WWP1: variants seen among roughly 807,000 people sequenced by gnomAD.
WWP1 encodes the protein WW domain containing E3 ubiquitin protein ligase 1, also known as NEDD4-like E3 ubiquitin-protein ligase WWP1.
A neutral mutation model predicts 130.6 loss-of-function variants in WWP1; 49 were observed. That is an observed-to-expected ratio of 0.38 (90% CI 0.30 to 0.48). The LOEUF is 0.48. Among genes scored for constraint, WWP1 ranks in the 20% least tolerant of loss-of-function variants. WWP1 has a pLI of 0.99. For missense variants in WWP1, 809 were observed against 1,100.6 expected, an observed-to-expected ratio of 0.74 and a Z score of 3.75; for synonymous variants, 332 against 367.8, an observed-to-expected ratio of 0.90 and a Z score of 1.11.
rs182376833 is a variant in WWP1 at position 86,383,697 on chromosome 8, C to T, written c.334+2068C>T. On this transcript the variant is annotated intron_variant, in intron 5 of 24. Transcript: ENST00000517970. Reference sequence around the variant, plus strand: ...CGGAGGTTGCAGTGAACTGAGATTGCGCCACTGCACTCCAAGCCTGGGCTA... The same window carrying T: ...CGGAGGTTGCAGTGAACTGAGATTGTGCCACTGCACTCCAAGCCTGGGCTA... Among the ~76,000 whole-genome samples the T allele has an allele frequency of 4.5e-3, 690 of 152,214 alleles. 6 individuals are homozygous for T. The highest frequency in any genetic ancestry group is 0.016 in the African/African-American group (651 of 41,516).
chr8:86,460,836 G>A (rs887234747), intron 22 of WWP1, among the ~76,000 whole-genome samples: 1 of 100,782 alleles, frequency 9.9e-6, no homozygotes, highest in Non-Finnish European at 1.9e-5. Flanking sequence ...TTGAGACAGA[G>A]TCTTGCTCTG....
chr8:86,400,091 G>A (rs904539591), intron 7 of WWP1, among the ~76,000 whole-genome samples: 2 of 152,112 alleles, frequency 1.3e-5, no homozygotes, highest in Non-Finnish European at 2.9e-5. Flanking sequence ...AGTACTTTGG[G>A]AGGCCGAAGC....
intron 1 of WWP1, among the ~76,000 whole-genome samples, chr8:86,347,129 T>C (rs1183261608): frequency 6.6e-6 from 1 of 151,868 alleles, no homozygotes; most frequent in Non-Finnish European, 1.5e-5. Flanking sequence ...GGACTACAGG[T>C]GTATGTCATG....
At chr8:86,387,599 G>A (rs1296483162) in intron 5 of WWP1, among the ~76,000 whole-genome samples, 1 of 151,968 alleles carries the variant, frequency 6.6e-6, no homozygotes, top group East Asian at 1.9e-4. Context: ...TGCAGCCTTT[G>A]CCTCCTAGGT....
intron 7 of WWP1, 81 bp downstream of exon 7, chr8:86,398,719 GT>G: frequency 6.7e-7 from 1 of 1,490,426 alleles, no homozygotes; most frequent in Non-Finnish European, 9.3e-7. Context: ...TTTTACCTTA[GT>G]TTAGAATTTG....
intron 1 of WWP1, among the ~76,000 whole-genome samples, chr8:86,350,141 A>T (rs1227523169): frequency 6.6e-6 from 1 of 152,202 alleles, no homozygotes; most frequent in African/African-American, 2.4e-5. Flanking sequence ...TTATGGAAAT[A>T]CAATGAATAA....
intron 9 of WWP1, among the ~76,000 whole-genome samples, chr8:86,421,756 G>A (rs1279969094): frequency 7.9e-5 from 12 of 152,084 alleles, no homozygotes; most frequent in Admixed American, 7.2e-4. Flanking sequence ...CCCGGGAGGC[G>A]GAGCTTACAT....
At position 86,457,967 on chromosome 8, in the gene WWP1, G is replaced by T. The variant is rs1183571122; in HGVS notation, c.2441G>T (p.Arg814Ile). Residue 814 changes from arginine (R) to isoleucine (I), a missense_variant, in exon 22 of 25, where the codon AGA becomes ATA. Physicochemically the swap from Arg to Ile is moderately conservative, Grantham distance 97 (BLOSUM62 -3). Around this residue, in one of 3 missense-constraint regions of WWP1, gnomAD observed 450 missense variants for 674.2 expected, o/e 0.67. Coordinates refer to ENST00000517970, the MANE Select transcript of WWP1 (RefSeq NM_007013.4). ...MQEVDLADWQ[R>I]NTVYRHYTRN... is the part of the protein sequence containing the mutation. Reference sequence around the variant, plus strand: ...GAGGTTGACTTGGCAGATTGGCAGAGAAATACTGTTTATCGACATTATACA... The same window carrying T: ...GAGGTTGACTTGGCAGATTGGCAGATAAATACTGTTTATCGACATTATACA... 3 of 1,613,190 alleles carry T rather than the reference G, an allele frequency of 1.9e-6. No homozygotes were observed. The Admixed American group carries it at 5.0e-5, about 27-fold the overall frequency.
rs182099063 is a variant in WWP1, at chr8:86,399,055, A to G, written c.539+417A>G. Among the ~76,000 whole-genome samples the G allele has an allele frequency of 1.1e-3, 163 of 152,264 alleles. 1 individual carries two copies. The highest frequency in any genetic ancestry group is 3.7e-3 in the African/African-American group (155 of 41,560). Reference sequence around the variant, plus strand: ...CATTTTCTATAAATGGATTCATATAATATGTGACCTTTTGTGACTGACTTC... The same window carrying G: ...CATTTTCTATAAATGGATTCATATAGTATGTGACCTTTTGTGACTGACTTC... On this transcript the variant is annotated intron_variant, in intron 7 of 24. Coordinates refer to ENST00000517970, the MANE Select transcript of WWP1 (RefSeq NM_007013.4).
At chr8:86,457,423 CTG>C (rs1270271737) in intron 21 of WWP1, among the ~76,000 whole-genome samples, 1 of 136,176 alleles carries the variant, frequency 7.3e-6, no homozygotes, top group African/African-American at 2.6e-5. Flanking sequence ...GTCTGTCTGT[CTG>C]TCTGTCTATC....
chr8:86,401,222 A>G (rs1209944625), intron 7 of WWP1, among the ~76,000 whole-genome samples: 1 of 152,034 alleles, frequency 6.6e-6, no homozygotes, highest in African/African-American at 2.4e-5. Context: ...TGTAACTAAT[A>G]TTTGAAGACT....
chr8:86,345,690 C>T (rs868101039), intron 1 of WWP1, among the ~76,000 whole-genome samples: 3 of 151,920 alleles, frequency 2.0e-5, no homozygotes, highest in African/African-American at 7.3e-5. Context: ...GGGATTACAG[C>T]GTAAGCCACC....
chr8:86,447,317 A>G (rs1004904529), intron 18 of WWP1, among the ~76,000 whole-genome samples: 2 of 152,156 alleles, frequency 1.3e-5, no homozygotes, highest in African/African-American at 4.8e-5. Context: ...CCCAGGCTGG[A>G]GTGCAGTGGC....
In WWP1 at chr8:86,411,891, A is replaced by C; in HGVS notation, c.1061+17A>C. 6.4e-7 allele frequency: 1 copy of C among 1,574,262 alleles called. No individual in the cohort carries two copies. The highest frequency in any genetic ancestry group is 1.8e-5 in the Admixed American group (1 of 54,178). On this transcript the variant is annotated intron_variant, in intron 9 of 24. Coordinates refer to ENST00000517970, the MANE Select transcript of WWP1 (RefSeq NM_007013.4). ...GCCATCAGGGTATGTTAAGCTTTTT[A>C]ATGTCTGACTTGCATTTAAGTAGCA... is the stretch of plus-strand genomic sequence containing the variant.
At chr8:86,349,680 G>A (rs1244808215) in intron 1 of WWP1, among the ~76,000 whole-genome samples, 1 of 151,980 alleles carries the variant, frequency 6.6e-6, no homozygotes, top group Admixed American at 6.6e-5. Context: ...ACTCTCCTTG[G>A]TTAGAAAAGA....
At chr8:86,386,667 A>C (rs571432456) in intron 5 of WWP1, among the ~76,000 whole-genome samples, 1 of 152,328 alleles carries the variant, frequency 6.6e-6, no homozygotes, top group South Asian at 2.1e-4. Flanking sequence ...TAATTCCACA[A>C]ATGAAAATAT....
chr8:86,407,354 A>G (rs1455284009), intron 8 of WWP1, among the ~76,000 whole-genome samples: 1 of 152,170 alleles, frequency 6.6e-6, no homozygotes, highest in East Asian at 1.9e-4. Flanking sequence ...GTGGATGGGC[A>G]CATAGGTATC....
intron 7 of WWP1, among the ~76,000 whole-genome samples, chr8:86,400,238 A>C (rs535791337): frequency 6.6e-6 from 1 of 152,134 alleles, no homozygotes. Flanking sequence ...AGTCTGAAGC[A>C]GGAGAATTGC....
chr8:86,450,076 T>C (rs919021767), intron 20 of WWP1, among the ~76,000 whole-genome samples: 1 of 152,238 alleles, frequency 6.6e-6, no homozygotes, highest in Non-Finnish European at 1.5e-5. Context: ...AAGTATTTAA[T>C]AGATACTGCT....
Sources: allele counts gnomAD v4.1 joint callset (sites outside exome capture counted in the v4.1 genomes callset), GRCh38; gene constraint gnomAD v4.1.1; regional missense constraint gnomAD v4.1.1; transcripts MANE v1.5; gene names NCBI Gene and HGNC (gene_info 2026-07-23, HGNC 2026-07-21).